EPB41L3: variants seen among roughly 807,000 people sequenced by gnomAD.
EPB41L3 encodes erythrocyte membrane protein band 4.1 like 3.
EPB41L3 carries 57 observed loss-of-function variants against 127.1 expected under a neutral mutation model. The ratio of observed to expected loss-of-function variants is 0.45; its 90% CI spans 0.36 to 0.56. The LOEUF is 0.56. EPB41L3 is among the 20% of genes least tolerant of loss of function. The pLI is 0.00. For synonymous variants in EPB41L3, 572 were observed against 549.5 expected, an observed-to-expected ratio of 1.04 and a Z score of -0.57; for missense variants, 1,273 against 1,372.2, an observed-to-expected ratio of 0.93 and a Z score of 1.14.
intron 3 of EPB41L3, among the ~76,000 whole-genome samples, chr18:5,573,941 G>T: frequency 6.9e-6 from 1 of 145,328 alleles, no homozygotes; most frequent in African/African-American, 2.6e-5. Flanking sequence ...GACGGAATCT[G>T]GCTCTGTTGC....
intron 3 of EPB41L3, among the ~76,000 whole-genome samples, chr18:5,557,446 C>T (rs901739747): frequency 2.6e-5 from 4 of 152,268 alleles, no homozygotes; most frequent in East Asian, 1.9e-4. Context: ...TGCAGTGGCA[C>T]AATCTCGGCC....
intron 16 of EPB41L3, among the ~76,000 whole-genome samples, chr18:5,404,729 T>G (rs571519872): frequency 1.2e-4 from 18 of 152,356 alleles, no homozygotes; most frequent in African/African-American, 3.8e-4. Flanking sequence ...TCATTCAAAG[T>G]GGCGATCACT....
At position 5,433,946 on chromosome 18, in the gene EPB41L3, T is replaced by C. The variant is rs564256996; in HGVS notation, c.781A>G (p.Lys261Glu). ...SEFRFAPNHTKELEDKVIELH... is the reference protein window; with the variant it reads ...SEFRFAPNHTEELEDKVIELH... ...TCGATCACTTTGTCTTCCAGTTCTT[T>C]AGTGTGGTTTGGTGCAAAGCGGAAC... The change falls in exon 7 of 23, where the codon AAA (lysine) becomes GAA (glutamate). Residue 261 changes from lysine (K) to glutamate (E), a missense_variant. Transcript: ENST00000341928. 6.2e-7 allele frequency: 1 copy of C among 1,614,218 alleles called. No individual in the cohort carries two copies. The highest frequency in any genetic ancestry group is 1.3e-5 in the African/African-American group (1 of 75,058).
chr18:5,511,871 G>A (rs763216012), intron 1 of EPB41L3, among the ~76,000 whole-genome samples: 2 of 152,230 alleles, frequency 1.3e-5, no homozygotes, highest in South Asian at 4.1e-4. Context: ...CCACCTGGAT[G>A]GAGATTAAGA....
chr18:5,406,655 G>T, intron 16 of EPB41L3, 122 bp downstream of exon 16: 1 of 900,596 alleles, frequency 1.1e-6, no homozygotes, highest in Non-Finnish European at 1.6e-6. Flanking sequence ...CTCAGCTCAG[G>T]TTAAACATAG....
intron 1 of EPB41L3, among the ~76,000 whole-genome samples, chr18:5,510,389 T>C (rs1598463039): frequency 6.6e-6 from 1 of 152,134 alleles, no homozygotes; most frequent in African/African-American, 2.4e-5. Context: ...GTATGGTAGG[T>C]GGAGCCACGT....
intron 3 of EPB41L3, among the ~76,000 whole-genome samples, chr18:5,597,231 T>C (rs1234342771): frequency 6.6e-6 from 1 of 152,198 alleles, no homozygotes; most frequent in Non-Finnish European, 1.5e-5. Flanking sequence ...TGCTCCTTAG[T>C]CATTCTGCTT....
At chr18:5,488,472 A>G (rs910667964) in intron 2 of EPB41L3, among the ~76,000 whole-genome samples, 15 of 151,986 alleles carry the variant, frequency 9.9e-5, no homozygotes, top group African/African-American at 2.4e-5. Flanking sequence ...TAGATGATGG[A>G]TTGATGGGTG....
At chr18:5,461,414 A>G (rs2083980241) in intron 3 of EPB41L3, among the ~76,000 whole-genome samples, 1 of 152,216 alleles carries the variant, frequency 6.6e-6, no homozygotes, top group Non-Finnish European at 1.5e-5. Flanking sequence ...AAGTGCAAAT[A>G]GGACTTAGAA....
chr18:5,624,097 G>C (rs1051288829), intron 1 of EPB41L3, among the ~76,000 whole-genome samples: 1 of 152,016 alleles, frequency 6.6e-6, no homozygotes, highest in Non-Finnish European at 1.5e-5. Flanking sequence ...TCAGCTCCTG[G>C]GTTCAACTGT....
chr18:5,503,224 TTATAA>T (rs2091891291), intron 1 of EPB41L3, among the ~76,000 whole-genome samples: 1 of 152,210 alleles, frequency 6.6e-6, no homozygotes, highest in Non-Finnish European at 1.5e-5. Context: ...AAAAAGTTAA[TTATAA>T]TATAATTTAA....
intron 18 of EPB41L3, among the ~76,000 whole-genome samples, chr18:5,396,854 A>G (rs1461779022): frequency 6.6e-6 from 1 of 152,110 alleles, no homozygotes; most frequent in Non-Finnish European, 1.5e-5. Flanking sequence ...AATAATTAAG[A>G]GATATGTTTG....
chr18:5,540,656 ATC>A (rs1256088056), intron 1 of EPB41L3: 10 of 582,394 alleles, frequency 1.7e-5, no homozygotes, highest in Non-Finnish European at 2.2e-5. Flanking sequence ...ACGATTAAGG[ATC>A]TCTCTAACTG....
At chr18:5,535,869 C>T (rs183148031) in intron 1 of EPB41L3, among the ~76,000 whole-genome samples, 7 of 152,238 alleles carry the variant, frequency 4.6e-5, no homozygotes, top group Non-Finnish European at 7.4e-5. Flanking sequence ...TTGTTGAGGA[C>T]GAAGGAAGGG....
intron 1 of EPB41L3, among the ~76,000 whole-genome samples, chr18:5,495,431 G>A (rs1396015159): frequency 3.3e-5 from 4 of 123,002 alleles, no homozygotes; most frequent in African/African-American, 1.4e-4. Context: ...AAATGAAACA[G>A]TAAGGCCACA....
At chr18:5,563,374 G>A (rs146516000) in intron 3 of EPB41L3, among the ~76,000 whole-genome samples, 41 of 152,300 alleles carry the variant, frequency 2.7e-4, no homozygotes, top group African/African-American at 9.6e-4. Context: ...CTGGAGAAAT[G>A]TAAGACTGGT....
chr18:5,544,210 G>T (rs574783917), upstream of EPB41L3: 57 of 985,568 alleles, frequency 5.8e-5, 1 homozygote, highest in South Asian at 2.5e-3. Flanking sequence ...AGCCTCCTCC[G>T]TCCTGGCGCA....
intron 1 of EPB41L3, among the ~76,000 whole-genome samples, chr18:5,511,598 A>G (rs1205930756): frequency 6.6e-6 from 1 of 151,818 alleles, no homozygotes; most frequent in Non-Finnish European, 1.5e-5. Flanking sequence ...CTTATTTTTT[A>G]CATTTACCAT....
At chr18:5,553,758 C>T (rs533325550) in intron 3 of EPB41L3, among the ~76,000 whole-genome samples, 4 of 152,336 alleles carry the variant, frequency 2.6e-5, no homozygotes, top group African/African-American at 9.6e-5. Context: ...TGCAACACCT[C>T]AGCACATCTG....
Sources: gnomAD v4.1 joint callset for allele counts (sites outside exome capture counted in the v4.1 genomes callset) on GRCh38, gnomAD v4.1.1 for gene constraint, MANE v1.5 for transcripts, NCBI Gene and HGNC (gene_info 2026-07-23, HGNC 2026-07-21) for gene names.